MYO1D: variants seen among roughly 807,000 people sequenced by gnomAD.
MYO1D encodes myosin ID.
A neutral mutation model predicts 122.0 loss-of-function variants in MYO1D; 83 were observed. The ratio of observed to expected loss-of-function variants is 0.68; its 90% CI spans 0.57 to 0.82. The LOEUF (loss-of-function observed/expected upper bound fraction) is 0.82, where lower values mean the gene tolerates loss of function less well. Among genes scored for constraint, MYO1D ranks in the 40% least tolerant of loss-of-function variants. MYO1D has a pLI of 0.00. For synonymous variants in MYO1D, 464 were observed against 446.9 expected, an observed-to-expected ratio of 1.04 and a Z score of -0.48; for missense variants, 1,157 against 1,269.5, an observed-to-expected ratio of 0.91 and a Z score of 1.35.
At chr17:32,653,782 A>C in intron 19 of MYO1D, 61 bp downstream of exon 19, 1 of 1,415,772 alleles carries the variant, frequency 7.1e-7, no homozygotes, top group East Asian at 2.3e-5. Context: ...GGCTTGCTTA[A>C]GTGAGTTTCA....
At chr17:32,786,544 G>C (rs150528337) in intron 1 of MYO1D, among the ~76,000 whole-genome samples, 1 of 152,366 alleles carries the variant, frequency 6.6e-6, no homozygotes, top group African/African-American at 2.4e-5. Context: ...ATTAGGCCGG[G>C]CGCACTGGCT....
chr17:32,560,073 G>A lies in MYO1D; in HGVS notation c.2864+45014C>T, dbSNP rs565879012. Among the ~76,000 whole-genome samples, 16 of 152,234 alleles carry A rather than the reference G, an allele frequency of 1.1e-4. 1 individual carries two copies. In the East Asian group the frequency reaches 2.5e-3, roughly 24 times the overall value. On this transcript the variant is annotated intron_variant, in intron 21 of 21. Coordinates refer to ENST00000318217, the MANE Select transcript of MYO1D (RefSeq NM_015194.3). ...AGTTCAAGACCAGCCTGACCAACAT[G>A]GTGAAACCCCCATCTCTACTAAAAA...
intron 1 of MYO1D, among the ~76,000 whole-genome samples, chr17:32,840,607 C>G (rs1489706442): frequency 3.3e-5 from 5 of 152,252 alleles, no homozygotes; most frequent in African/African-American, 1.2e-4. Context: ...CTCTTACTCT[C>G]TCGTCTTTCT....
chr17:32,709,171 A>T (rs755379804), intron 16 of MYO1D, among the ~76,000 whole-genome samples: 15 of 152,196 alleles, frequency 9.9e-5, no homozygotes, highest in Non-Finnish European at 1.3e-4. Context: ...GTTCCAGGGT[A>T]GAGTGATTAT....
intron 21 of MYO1D, among the ~76,000 whole-genome samples, chr17:32,562,214 C>T (rs187880550): frequency 4.6e-4 from 69 of 151,398 alleles, no homozygotes; most frequent in Non-Finnish European, 8.5e-4. Context: ...CAGGCTGATA[C>T]GCTCGTTCTT....
intron 21 of MYO1D, among the ~76,000 whole-genome samples, chr17:32,526,618 T>G (rs77938132): frequency 6.6e-5 from 10 of 151,962 alleles, no homozygotes; most frequent in Non-Finnish European, 1.5e-4. Context: ...TTTTTTTTTT[T>G]TGTGGGCTGG....
intron 21 of MYO1D, among the ~76,000 whole-genome samples, chr17:32,564,748 C>G (rs928061185): frequency 6.6e-6 from 1 of 152,182 alleles, no homozygotes. Flanking sequence ...CATAGCTGCA[C>G]CTTTAACCCT....
At chr17:32,811,468 G>A (rs2090571350) in intron 1 of MYO1D, among the ~76,000 whole-genome samples, 2 of 152,218 alleles carry the variant, frequency 1.3e-5, no homozygotes, top group South Asian at 4.1e-4. Context: ...ATTTTCTACA[G>A]TACTTACTAC....
At chr17:32,587,455 T>C (rs2087398573) in intron 21 of MYO1D, among the ~76,000 whole-genome samples, 1 of 145,446 alleles carries the variant, frequency 6.9e-6, no homozygotes, top group Non-Finnish European at 1.5e-5. Flanking sequence ...GGGGTTGCAG[T>C]GAGCCAAGAT....
At chr17:32,787,170 A>G (rs1225647734) in intron 1 of MYO1D, among the ~76,000 whole-genome samples, 1 of 152,214 alleles carries the variant, frequency 6.6e-6, no homozygotes, top group South Asian at 2.1e-4. Flanking sequence ...AATAAAGGTC[A>G]TATTAAAAGA....
chr17:32,514,622 C>G (rs1303634152), intron 21 of MYO1D, among the ~76,000 whole-genome samples: 1 of 152,206 alleles, frequency 6.6e-6, no homozygotes, highest in Non-Finnish European at 1.5e-5. Flanking sequence ...GGAAACTAGT[C>G]AATGTCCAAC....
chr17:32,655,449 G>T (rs2088462860), intron 17 of MYO1D, among the ~76,000 whole-genome samples: 1 of 152,170 alleles, frequency 6.6e-6, no homozygotes, highest in Admixed American at 6.5e-5. Flanking sequence ...TGCAGAGTGG[G>T]TGTGGTTTAT....
intron 14 of MYO1D, among the ~76,000 whole-genome samples, chr17:32,732,373 C>G (rs1464550766): frequency 1.3e-5 from 2 of 152,200 alleles, no homozygotes; most frequent in Non-Finnish European, 2.9e-5. Context: ...CGCACACTTC[C>G]CCTCCTCTGA....
At chr17:32,835,846 C>T (rs1188360620) in intron 1 of MYO1D, among the ~76,000 whole-genome samples, 1 of 152,092 alleles carries the variant, frequency 6.6e-6, no homozygotes, top group Non-Finnish European at 1.5e-5. Context: ...TTGTTGTAGT[C>T]ACAACTCTTC....
At chr17:32,636,184 T>C (rs1771446020) in intron 20 of MYO1D, among the ~76,000 whole-genome samples, 1 of 152,172 alleles carries the variant, frequency 6.6e-6, no homozygotes, top group South Asian at 2.1e-4. Flanking sequence ...TGATGAATTC[T>C]TTCCCACTCT....
intron 15 of MYO1D, 114 bp from the exon 16 acceptor site, chr17:32,712,309 C>A (rs2089388601): frequency 2.2e-6 from 2 of 923,472 alleles, no homozygotes; most frequent in Non-Finnish European, 3.3e-6. Context: ...AGCAAACTAT[C>A]AATAGAATTT....
At chr17:32,725,076 C>T (rs144594510) in intron 14 of MYO1D, among the ~76,000 whole-genome samples, 84 of 152,082 alleles carry the variant, frequency 5.5e-4, no homozygotes, top group African/African-American at 1.9e-3. Flanking sequence ...ACTATGCTTA[C>T]CATGTTCAAG....
intron 6 of MYO1D, among the ~76,000 whole-genome samples, chr17:32,767,958 A>T (rs1214012908): frequency 2.0e-5 from 3 of 152,212 alleles, no homozygotes; most frequent in African/African-American, 7.2e-5. Flanking sequence ...GAAAGCCATC[A>T]CCTAAAATAA....
At chr17:32,535,461 C>T (rs1910632741) in intron 21 of MYO1D, among the ~76,000 whole-genome samples, 1 of 152,180 alleles carries the variant, frequency 6.6e-6, no homozygotes, top group Non-Finnish European at 1.5e-5. Context: ...ATACATTGTA[C>T]TTGTGGCCGG....
Sources: gnomAD v4.1 joint callset for allele counts (sites outside exome capture counted in the v4.1 genomes callset) on GRCh38, gnomAD v4.1.1 for gene constraint, MANE v1.5 for transcripts, NCBI Gene and HGNC (gene_info 2026-07-23, HGNC 2026-07-21) for gene names.